UBA6: variants seen among roughly 807,000 people sequenced by gnomAD.
UBA6 encodes ubiquitin like modifier activating enzyme 6, also known as ubiquitin-like modifier-activating enzyme 6.
UBA6 carries 87 observed loss-of-function variants against 148.3 expected under a neutral mutation model. The ratio of observed to expected loss-of-function variants is 0.59; its 90% CI spans 0.49 to 0.70. The LOEUF (loss-of-function observed/expected upper bound fraction) is 0.70, where lower values mean the gene tolerates loss of function less well. UBA6 is among the 30% of genes least tolerant of loss of function. UBA6 has a pLI of 0.00. For synonymous variants in UBA6, 376 were observed against 401.0 expected (o/e 0.94, Z 0.75); for missense variants, 1,186 against 1,241.2 (o/e 0.96, Z 0.67).
rs772668548 is a variant in UBA6 at position 67,631,771 on chromosome 4, C to A, written c.2195G>T (p.Ser732Ile). The A allele has an allele frequency of 6.2e-7, 1 of 1,611,382 alleles. No homozygotes were observed. Among genetic ancestry groups the A allele is most frequent in the South Asian group, 1.1e-5 (1 of 90,738 alleles). The change falls in exon 25 of 33, where the codon AGT becomes ATT. Residue 732 changes from serine to isoleucine, a missense_variant and splice_region_variant. Physicochemically the swap from Ser to Ile is moderately radical, Grantham distance 142. Coordinates refer to ENST00000322244, the MANE Select transcript of UBA6 (RefSeq NM_018227.6). Reference protein sequence around the residue: ...FPLDIRLKDGSLFWQSPKRPP... With the variant: ...FPLDIRLKDGILFWQSPKRPP... The stretch of plus-strand genomic sequence containing the variant: ...CCTCTTTGGTGACTGCCAAAATAAA[C>A]CTGGCAAAAAGATACAAATATCATT...
chr4:67,622,908 C>T lies in UBA6; in HGVS notation c.2946G>A (p.Glu982=), dbSNP rs770037428. ...TGACTCCCTGTACCACCATTGTTGGCTCAATTCCATACTTCTCCTAAAAGT... is the reference window on the plus strand; with the variant it reads ...TGACTCCCTGTACCACCATTGTTGGTTCAATTCCATACTTCTCCTAAAAGT... ...INAVKEKYGI[E]PTMVVQGVKM... is the part of the protein sequence containing the mutation. The change falls in exon 32 of 33, where the codon GAG becomes GAA. Residue 982 remains glutamate, a synonymous_variant. Coordinates refer to ENST00000322244, the MANE Select transcript of UBA6 (RefSeq NM_018227.6). The T allele has an allele frequency of 6.2e-7, 1 of 1,611,514 alleles. No individual in the cohort carries two copies. Among genetic ancestry groups the T allele is most frequent in the Non-Finnish European group, 8.5e-7 (1 of 1,178,908 alleles).
chr4:67,683,473 A>C (rs1366856291), intron 2 of UBA6, among the ~76,000 whole-genome samples: 1 of 152,190 alleles, frequency 6.6e-6, no homozygotes, highest in Non-Finnish European at 1.5e-5. Flanking sequence ...AAGCTTGTCC[A>C]ACCCACGGTC....
In UBA6 at chr4:67,618,886, C is replaced by T; in HGVS notation, c.*111G>A. 9.0e-7 allele frequency: 1 copy of T among 1,107,314 alleles called. No individual in the cohort carries two copies. The highest frequency in any genetic ancestry group is 1.3e-6 in the Non-Finnish European group (1 of 782,864). The allele number at this position is 1,107,314 out of a possible 1,614,324, so 68.6% of individuals were successfully genotyped here. A position where few individuals can be genotyped will look rare whatever the true frequency, so the allele number is the denominator to read the frequency against. On this transcript the variant is annotated 3_prime_UTR_variant, in exon 33 of 33. Coordinates refer to ENST00000322244, the MANE Select transcript of UBA6 (RefSeq NM_018227.6). ...ACTGATGTTTCCCTTAAAATTAAGG[C>T]TTAATGAAAGAGAAATCCATAGTAT...
chr4:67,622,992 T>C, intron 31 of UBA6, 67 bp from the exon 32 acceptor site: 1 of 1,425,482 alleles, frequency 7.0e-7, no homozygotes, highest in South Asian at 1.2e-5. Flanking sequence ...TTATTTAACA[T>C]TGTTCGTAAA....
At chr4:67,670,879 C>A (rs1412981231) in intron 7 of UBA6, among the ~76,000 whole-genome samples, 1 of 152,044 alleles carries the variant, frequency 6.6e-6, no homozygotes, top group African/African-American at 2.4e-5. Context: ...AAATTTTGTG[C>A]TTGTCACAAA....
chr4:67,673,637 C>G (rs916226207), intron 7 of UBA6, 60 bp downstream of exon 7: 1 of 1,153,496 alleles, frequency 8.7e-7, no homozygotes, highest in African/African-American at 1.5e-5. Flanking sequence ...GTTAAAAATT[C>G]TACTAGTGAA....
At chr4:67,686,216 G>A (rs1480625561) in intron 2 of UBA6, among the ~76,000 whole-genome samples, 1 of 152,108 alleles carries the variant, frequency 6.6e-6, no homozygotes, top group East Asian at 1.9e-4. Context: ...TTCCCTTGGG[G>A]CCATAGAGAA....
rs777087279 is a variant in UBA6, at chr4:67,635,579, T to A, written c.1737-21A>T. 9 of 1,508,524 alleles carry A rather than the reference T, an allele frequency of 6.0e-6. No individual in the cohort carries two copies. In the Admixed American group the frequency reaches 6.9e-5, roughly 12 times the overall value. The allele number at this position is 1,508,524 out of a possible 1,614,324, so 93.4% of individuals were successfully genotyped here. ...AACGACTATTTGAAAAGACAGCAAG[T>A]AAAAAACAAAAAAGTGAGCAATAAC... On this transcript the variant is annotated intron_variant, in intron 19 of 32. Transcript: ENST00000322244.
At position 67,625,039 on chromosome 4, in the gene UBA6, T is replaced by C; in HGVS notation, c.2667A>G (p.Lys889=). ...DRFKTKRIAG[K]IIPAIATTTA... ...TGGTTGTTGCTATAGCAGGTATAATTTTACCAGCTATGCGCTTTGTTTTGA... is the reference window on the plus strand; with the variant it reads ...TGGTTGTTGCTATAGCAGGTATAATCTTACCAGCTATGCGCTTTGTTTTGA... The change falls in exon 29 of 33, where the codon AAA becomes AAG. Residue 889 remains lysine (K), a synonymous_variant. Transcript: ENST00000322244. 4 of 1,611,728 alleles carry C rather than the reference T, an allele frequency of 2.5e-6. No individual in the cohort carries two copies. The highest frequency in any genetic ancestry group is 3.4e-6 in the Non-Finnish European group (4 of 1,178,352).
intron 2 of UBA6, among the ~76,000 whole-genome samples, chr4:67,688,554 T>C (rs1295175016): frequency 6.6e-6 from 1 of 152,042 alleles, no homozygotes; most frequent in Non-Finnish European, 1.5e-5. Flanking sequence ...GAACTCAGAA[T>C]ACCATCAGAG....
At chr4:67,675,602 G>T (rs563108438) in intron 6 of UBA6, among the ~76,000 whole-genome samples, 5 of 152,028 alleles carry the variant, frequency 3.3e-5, no homozygotes, top group Admixed American at 2.0e-4. Flanking sequence ...GTGGTGGCAC[G>T]TGCCTGTGAT....
At chr4:67,686,613 A>C (rs1424737250) in intron 2 of UBA6, among the ~76,000 whole-genome samples, 1 of 152,082 alleles carries the variant, frequency 6.6e-6, no homozygotes, top group African/African-American at 2.4e-5. Flanking sequence ...TGAAGAAATG[A>C]AAGTTGGAGT....
At chr4:67,647,777 T>G (rs1261504154) in intron 14 of UBA6, among the ~76,000 whole-genome samples, 3 of 147,122 alleles carry the variant, frequency 2.0e-5, no homozygotes, top group Non-Finnish European at 4.5e-5. Context: ...CTCATGGTGT[T>G]TTTTTTTTTT....
At chr4:67,673,222 G>C (rs998370459) in intron 7 of UBA6, among the ~76,000 whole-genome samples, 2 of 151,920 alleles carry the variant, frequency 1.3e-5, no homozygotes, top group African/African-American at 4.8e-5. Flanking sequence ...AGACCAGCCT[G>C]GCCAACATGG....
intron 26 of UBA6, 105 bp downstream of exon 26, chr4:67,630,361 A>T (rs946968907): frequency 2.5e-6 from 2 of 794,088 alleles, no homozygotes; most frequent in African/African-American, 3.6e-5. Flanking sequence ...TATCAAAAAG[A>T]GTGATTCTTA....
chr4:67,635,955 A>C (rs886330280), intron 19 of UBA6, among the ~76,000 whole-genome samples: 5 of 152,050 alleles, frequency 3.3e-5, no homozygotes, highest in Non-Finnish European at 5.9e-5. Context: ...ATATTCTACA[A>C]ATTTTTATTT....
At chr4:67,641,024 A>C (rs1196463003) in intron 18 of UBA6, 127 bp downstream of exon 18, 9 of 662,414 alleles carry the variant, frequency 1.4e-5, no homozygotes, top group South Asian at 5.9e-5. Context: ...TGTCATTTCC[A>C]TTAATTGATA....
chr4:67,617,470 T>C lies in UBA6; in HGVS notation c.*1527A>G, dbSNP rs1728653638. 6.6e-6 allele frequency: 1 copy of C among 152,066 alleles called. No homozygotes were observed. The highest frequency in any genetic ancestry group is 1.5e-5 in the Non-Finnish European group (1 of 67,948). 9.4% of individuals were successfully genotyped at this position (152,066 alleles called of 1,614,324 possible). On this transcript the variant is annotated 3_prime_UTR_variant, in exon 33 of 33. Coordinates refer to ENST00000322244, the MANE Select transcript of UBA6 (RefSeq NM_018227.6). ...TCCAAAGGTAGTCATTTTCTTTAAA[T>C]TCATCCTATCCACTTTTGCCCACTT...
At chr4:67,678,369 CTAG>C (rs1730341931) in intron 5 of UBA6, 67 bp downstream of exon 5, 1 of 911,302 alleles carries the variant, frequency 1.1e-6, no homozygotes, top group African/African-American at 1.7e-5. Context: ...GATTGGTGTT[CTAG>C]ATAAAGGAAA....
Sources: allele counts gnomAD v4.1 joint callset (sites outside exome capture counted in the v4.1 genomes callset), GRCh38; gene constraint gnomAD v4.1.1; transcripts MANE v1.5; gene names NCBI Gene and HGNC (gene_info 2026-07-23, HGNC 2026-07-21).